Variants in B3GALT1 observed in about 807,000 individuals in gnomAD.
The protein encoded by B3GALT1 is UDP-Gal:betaGlcNAc beta 1,3-galactosyltransferase, polypeptide 1.
In B3GALT1, 10 loss-of-function variants were observed where a neutral mutation model predicts 23.2. That is an observed-to-expected ratio of 0.43 (90% CI 0.27 to 0.73). B3GALT1 has a LOEUF of 0.73. B3GALT1 is among the 30% of genes least tolerant of loss of function. The pLI, the probability that B3GALT1 is intolerant of heterozygous loss-of-function variation, is 0.21. For synonymous variants in B3GALT1, 156 were observed against 141.5 expected, an observed-to-expected ratio of 1.10 and a Z score of -0.73; for missense variants, 299 against 405.4, an observed-to-expected ratio of 0.74 and a Z score of 2.25.
At chr2:167,719,477 A>C (rs10205163) in intron 3 of B3GALT1, among the ~76,000 whole-genome samples, 74,857 of 152,066 alleles carry the variant, frequency 0.49, 18,895 homozygotes, top group East Asian at 0.72. Flanking sequence ...AATTTATAGA[A>C]AATAGAATTT....
At chr2:167,646,358 G>C (rs1440298556) in intron 2 of B3GALT1, among the ~76,000 whole-genome samples, 1 of 152,164 alleles carries the variant, frequency 6.6e-6, no homozygotes, top group African/African-American at 2.4e-5. Context: ...AAGTCATCCA[G>C]ATCAGAAAGC....
At chr2:167,850,889 C>T (rs867261949) in intron 4 of B3GALT1, among the ~76,000 whole-genome samples, 4 of 152,046 alleles carry the variant, frequency 2.6e-5, no homozygotes, top group Admixed American at 1.3e-4. Context: ...GTGATGGGTG[C>T]GCCAAAATCT....
At chr2:167,838,580 C>G (rs912169011) in intron 4 of B3GALT1, among the ~76,000 whole-genome samples, 1 of 152,266 alleles carries the variant, frequency 6.6e-6, no homozygotes, top group Non-Finnish European at 1.5e-5. Context: ...GGATTCACAG[C>G]CGAATTCTAC....
At chr2:167,555,348 C>A (rs944707786) in intron 2 of B3GALT1, among the ~76,000 whole-genome samples, 3 of 152,142 alleles carry the variant, frequency 2.0e-5, no homozygotes, top group Non-Finnish European at 4.4e-5. Context: ...AAGTAACTTG[C>A]CCTCAGGTCA....
At chr2:167,504,427 T>G (rs1251658987) in intron 2 of B3GALT1, among the ~76,000 whole-genome samples, 2 of 152,148 alleles carry the variant, frequency 1.3e-5, no homozygotes, top group Non-Finnish European at 2.9e-5. Flanking sequence ...ATAAATCACC[T>G]CAAAGGTCCT....
chr2:167,582,033 A>G (rs531646988), intron 2 of B3GALT1, among the ~76,000 whole-genome samples: 8 of 152,192 alleles, frequency 5.3e-5, no homozygotes, highest in Non-Finnish European at 1.2e-4. Context: ...AAGATAGAAG[A>G]ATAGCTCCTC....
intron 1 of B3GALT1, among the ~76,000 whole-genome samples, chr2:167,448,608 T>G (rs1179172478): frequency 6.6e-6 from 1 of 152,208 alleles, no homozygotes; most frequent in African/African-American, 2.4e-5. Flanking sequence ...GCAGAAGCTT[T>G]TTAGTTTAAT....
At chr2:167,514,546 C>T (rs1700073819) in intron 2 of B3GALT1, among the ~76,000 whole-genome samples, 1 of 152,072 alleles carries the variant, frequency 6.6e-6, no homozygotes, top group Non-Finnish European at 1.5e-5. Context: ...GTTTACAGTC[C>T]CAGCCCCAGC....
At chr2:167,433,308 A>G (rs534724969) in intron 1 of B3GALT1, among the ~76,000 whole-genome samples, 1 of 152,244 alleles carries the variant, frequency 6.6e-6, no homozygotes, top group South Asian at 2.1e-4. Context: ...CATTGTCTGG[A>G]TATACCATAG....
chr2:167,439,455 G>A (rs1232311381), intron 1 of B3GALT1, among the ~76,000 whole-genome samples: 3 of 152,022 alleles, frequency 2.0e-5, no homozygotes, highest in African/African-American at 4.8e-5. Context: ...GGGTGTATAT[G>A]CATATACTTT....
intron 1 of B3GALT1, among the ~76,000 whole-genome samples, chr2:167,468,483 T>G (rs1699379549): frequency 1.3e-5 from 2 of 152,194 alleles, no homozygotes; most frequent in South Asian, 4.1e-4. Context: ...AAAAGAAATT[T>G]GAATTTAACA....
At chr2:167,715,349 A>G (rs886729357) in intron 3 of B3GALT1, 16 of 1,613,776 alleles carry the variant, frequency 9.9e-6, no homozygotes, top group African/African-American at 1.3e-5. Context: ...CTGTTTATTA[A>G]GTTCAGTCAC....
intron 1 of B3GALT1, among the ~76,000 whole-genome samples, chr2:167,412,997 A>T (rs1559089026): frequency 6.6e-6 from 1 of 152,162 alleles, no homozygotes; most frequent in Non-Finnish European, 1.5e-5. Flanking sequence ...ATCTATTGTG[A>T]TAGAAATCAG....
intron 2 of B3GALT1, among the ~76,000 whole-genome samples, chr2:167,635,790 A>G (rs1020317525): frequency 3.3e-5 from 5 of 152,124 alleles, no homozygotes; most frequent in South Asian, 2.1e-4. Context: ...TATAAATTCA[A>G]TGCTATCCCT....
intron 1 of B3GALT1, among the ~76,000 whole-genome samples, chr2:167,461,638 T>C (rs1699260218): frequency 6.6e-6 from 1 of 152,130 alleles, no homozygotes; most frequent in Non-Finnish European, 1.5e-5. Flanking sequence ...AATGAAAAAT[T>C]TTCAAAAGCA....
rs141337429 is a variant in B3GALT1 at position 167,546,891 on chromosome 2, G to C, written c.-410+56614G>C. The stretch of plus-strand genomic sequence containing the variant: ...AATGTCATTTCACCAGAGTGTTTCT[G>C]CATTGAGCCAAACCTCCTCAAGGTC... On this transcript the variant is annotated intron_variant, in intron 2 of 4. Transcript: ENST00000392690. Among the ~76,000 whole-genome samples the C allele has an allele frequency of 5.2e-3, 792 of 152,264 alleles. 9 individuals carry two copies. The highest frequency in any genetic ancestry group is 0.018 in the African/African-American group (755 of 41,552).
intron 3 of B3GALT1, among the ~76,000 whole-genome samples, chr2:167,693,524 A>G (rs1437038920): frequency 6.6e-6 from 1 of 152,146 alleles, no homozygotes; most frequent in Non-Finnish European, 1.5e-5. Flanking sequence ...CTCAATCTAC[A>G]GTCTTTTGCA....
intron 1 of B3GALT1, among the ~76,000 whole-genome samples, chr2:167,453,793 A>G (rs79785228): frequency 0.017 from 2,638 of 152,282 alleles, 80 homozygotes; most frequent in African/African-American, 0.061. Flanking sequence ...TCAAATATGT[A>G]AAAGGAGGAA....
chr2:167,381,280 C>G (rs981468645), intron 1 of B3GALT1, among the ~76,000 whole-genome samples: 1 of 152,076 alleles, frequency 6.6e-6, no homozygotes, highest in Non-Finnish European at 1.5e-5. Flanking sequence ...AGGCTGGTCC[C>G]GAACTCCTGG....
Sources: allele counts gnomAD v4.1 joint callset (sites outside exome capture counted in the v4.1 genomes callset), GRCh38; gene constraint gnomAD v4.1.1; transcripts MANE v1.5; gene names NCBI Gene and HGNC (gene_info 2026-07-23, HGNC 2026-07-21).